Variants in ZNF653 observed in about 807,000 individuals in gnomAD.
ZNF653 encodes the protein zinc finger protein 653.
In ZNF653, 37 loss-of-function variants were observed where a neutral mutation model predicts 59.9. That is an observed-to-expected ratio of 0.62 (90% CI 0.48 to 0.81). ZNF653 has a LOEUF of 0.81. ZNF653 is among the 40% of genes least tolerant of loss of function. The pLI, the probability that ZNF653 is intolerant of heterozygous loss-of-function variation, is 0.00. For missense variants in ZNF653, 808 were observed against 881.1 expected, an observed-to-expected ratio of 0.92 and a Z score of 1.05; for synonymous variants, 435 against 371.8, an observed-to-expected ratio of 1.17 and a Z score of -1.96.
chr19:11,503,934 G>A (rs139836842), intron 1 of ZNF653, among the ~76,000 whole-genome samples: 2 of 152,154 alleles, frequency 1.3e-5, no homozygotes, highest in East Asian at 3.9e-4. Context: ...GGAAACCTCT[G>A]TCTCTACAAA....
rs201371916 is a variant in ZNF653 at position 11,487,184 on chromosome 19, C to T, written c.1172-26G>A. Reference sequence around the variant, plus strand: ...CTACAGGGTGGACACAGGGTGGTGTCCGCAGGGGACGAAGGCTGCCGAGGT... The same window carrying T: ...CTACAGGGTGGACACAGGGTGGTGTTCGCAGGGGACGAAGGCTGCCGAGGT... On this transcript the variant is annotated intron_variant, in intron 4 of 8. Transcript: ENST00000293771. The surrounding 1 kb of genome is among the most constrained non-coding windows in gnomAD (Gnocchi z 5.1). 2,612 of 1,608,144 alleles carry T rather than the reference C, an allele frequency of 1.6e-3. 21 individuals carry two copies. The highest frequency in any genetic ancestry group is 5.6e-3 in the Middle Eastern group (34 of 6,050).
At chr19:11,496,562 C>T (rs1971591024) in intron 2 of ZNF653, among the ~76,000 whole-genome samples, 1 of 151,880 alleles carries the variant, frequency 6.6e-6, no homozygotes, top group Non-Finnish European at 1.5e-5. Context: ...CAAGTCTGTT[C>T]CCTCCTCTGC....
At chr19:11,489,185 C>A (rs1479801779) in intron 3 of ZNF653, among the ~76,000 whole-genome samples, 1 of 151,396 alleles carries the variant, frequency 6.6e-6, no homozygotes, top group South Asian at 2.1e-4. Context: ...TAGTCATGAG[C>A]CACCACATCT....
intron 3 of ZNF653, among the ~76,000 whole-genome samples, chr19:11,493,061 G>GTT (rs145404788): frequency 7.9e-5 from 11 of 140,072 alleles, no homozygotes; most frequent in East Asian, 2.1e-4. Flanking sequence ...CCTCGGGAGT[G>GTT]TTTTTTTTTT....
chr19:11,492,209 G>A (rs370043310), intron 3 of ZNF653, among the ~76,000 whole-genome samples: 286 of 152,026 alleles, frequency 1.9e-3, no homozygotes, highest in African/African-American at 6.4e-3. Context: ...ACCATGCCCC[G>A]CCAATTTTTA....
chr19:11,498,130 G>A (rs2144948219), intron 2 of ZNF653, among the ~76,000 whole-genome samples, 166 bp downstream of exon 2: 1 of 152,334 alleles, frequency 6.6e-6, no homozygotes, highest in African/African-American at 2.4e-5. Flanking sequence ...GGGAGCCAAG[G>A]ACACTGCGCC....
At chr19:11,501,304 G>A (rs1390064226) in intron 1 of ZNF653, among the ~76,000 whole-genome samples, 2 of 151,392 alleles carry the variant, frequency 1.3e-5, no homozygotes, top group African/African-American at 4.9e-5. Context: ...TCAGCCTCCT[G>A]AGTAGCTGGG....
intron 3 of ZNF653, among the ~76,000 whole-genome samples, chr19:11,490,314 C>T (rs751799005): frequency 1.3e-5 from 2 of 152,172 alleles, no homozygotes; most frequent in African/African-American, 2.4e-5. Flanking sequence ...GGGGTACCAC[C>T]GTCCCAGCAT....
rs1373124437 is a variant in ZNF653 at position 11,495,789 on chromosome 19, G to A, written c.559+161C>T. The A allele has an allele frequency of 8.4e-6, 6 of 717,042 alleles. No homozygotes were observed. The highest frequency in any genetic ancestry group is 7.4e-5 in the South Asian group (4 of 54,184). 44.4% of individuals were successfully genotyped at this position (717,042 alleles called of 1,614,324 possible). A position where few individuals can be genotyped will look rare whatever the true frequency, so the allele number is the denominator to read the frequency against. On this transcript the variant is annotated intron_variant, in intron 3 of 8. Transcript: ENST00000293771. This position sits in a 1 kb window ranked among gnomAD's most constrained non-coding sequence, Gnocchi z 4.9. ...AAGGACGCAAAGAGGGCAAGGCCAC[G>A]AAGGACTCAGCCTGGCCCATCGTGT... is the stretch of plus-strand genomic sequence containing the variant.
intron 2 of ZNF653, among the ~76,000 whole-genome samples, chr19:11,496,534 G>A (rs765001599): frequency 1.9e-4 from 29 of 152,058 alleles, no homozygotes; most frequent in African/African-American, 6.3e-4. Context: ...GCAAGGGGGC[G>A]CCTGTGAATG....
chr19:11,497,140 G>A (rs144757627), intron 2 of ZNF653, among the ~76,000 whole-genome samples: 5 of 152,278 alleles, frequency 3.3e-5, no homozygotes, highest in South Asian at 2.1e-4. Flanking sequence ...CACTCTAGCC[G>A]ACCTTAACTT....
intron 1 of ZNF653, among the ~76,000 whole-genome samples, chr19:11,501,482 C>T (rs1222486155): frequency 6.6e-6 from 1 of 151,870 alleles, no homozygotes; most frequent in Non-Finnish European, 1.5e-5. Flanking sequence ...ACCCAGCCTC[C>T]TTCTTCATTT....
intron 1 of ZNF653, among the ~76,000 whole-genome samples, chr19:11,504,271 G>C (rs1322985557): frequency 3.3e-5 from 5 of 151,944 alleles, no homozygotes; most frequent in Non-Finnish European, 7.4e-5. Context: ...CGTGGTGGCG[G>C]GCGGCTGCAG....
rs1217288265 is a variant in ZNF653, at chr19:11,484,040, A to T, written c.1670+2T>A. The T allele has an allele frequency of 6.4e-7, 1 of 1,554,648 alleles. No homozygotes were observed. On this transcript the variant is annotated splice_donor_variant, in intron 8 of 8. Coordinates refer to ENST00000293771, the MANE Select transcript of ZNF653 (RefSeq NM_138783.4). LOFTEE classifies it high-confidence loss of function. Reference sequence around the variant, plus strand: ...AGCGGCACGGGGCGGCCTGTCACTCACTGCAGGGGGGTCTCGCCGGTGTGG... The same window carrying T: ...AGCGGCACGGGGCGGCCTGTCACTCTCTGCAGGGGGGTCTCGCCGGTGTGG...
chr19:11,499,683 G>T (rs1227169659), intron 1 of ZNF653, among the ~76,000 whole-genome samples: 1 of 151,264 alleles, frequency 6.6e-6, no homozygotes, highest in East Asian at 1.9e-4. Context: ...AGGTTAAGAC[G>T]GGTGCATCGC....
chr19:11,483,842 TAGCC>T lies in ZNF653; in HGVS notation c.1684_1687del (p.Gly562ThrfsTer13). 6.3e-7 allele frequency: 1 copy of T among 1,593,284 alleles called. No individual in the cohort carries two copies. Among genetic ancestry groups the T allele is most frequent in the Non-Finnish European group, 8.5e-7 (1 of 1,172,670 alleles). The stretch of plus-strand genomic sequence containing the variant: ...GAGCGACGCGCGCTGCCGGCACTGG[TAGCC>T]ACAGATCTCGCACCTGCCGGGAGCC... On this transcript the variant is annotated frameshift_variant, in exon 9 of 9. Transcript: ENST00000293771. LOFTEE classifies it high-confidence loss of function.
chr19:11,505,777 G>A lies in ZNF653; in HGVS notation c.10C>T (p.Arg4Trp). Residue 4 changes from arginine to tryptophan, a missense_variant, in exon 1 of 9, where the codon CGG (arginine) becomes TGG (tryptophan). By Grantham distance (101) the Arg-to-Trp change is moderately radical. Transcript: ENST00000293771. ...GCCTCCGCCTCGGGCTCTAGCGCCC[G>A]CTCCGCCATCCCCCCCACCCTGGTT... MAERALEPEAEAEA... is the reference protein window; with the variant it reads MAEWALEPEAEAEA... 1 of 1,345,202 alleles carries A rather than the reference G, an allele frequency of 7.4e-7. No individual in the cohort carries two copies. Among genetic ancestry groups the A allele is most frequent in the Non-Finnish European group, 9.5e-7 (1 of 1,056,972 alleles). 83.3% of individuals were successfully genotyped at this position (1,345,202 alleles called of 1,614,324 possible).
chr19:11,505,393 C>A, intron 1 of ZNF653, 95 bp downstream of exon 1: 2 of 1,275,182 alleles, frequency 1.6e-6, no homozygotes, highest in Non-Finnish European at 2.0e-6. Flanking sequence ...CCGCAGGTGC[C>A]GGGGGCTGGC....
At chr19:11,486,904 T>C in intron 5 of ZNF653, 24 bp from the exon 6 acceptor site, 1 of 1,611,054 alleles carries the variant, frequency 6.2e-7, no homozygotes, top group Non-Finnish European at 8.5e-7. Context: ...GGCCATGACA[T>C]CGGGGCTCCC....
Sources: allele counts gnomAD v4.1 joint callset (sites outside exome capture counted in the v4.1 genomes callset), GRCh38; gene constraint gnomAD v4.1.1; non-coding constraint Gnocchi (gnomAD v3.1); transcripts MANE v1.5; gene names NCBI Gene and HGNC (gene_info 2026-07-23, HGNC 2026-07-21).